SFMBT2: variants seen among roughly 807,000 people sequenced by gnomAD.
SFMBT2 encodes Scm like with four mbt domains 2.
Under a neutral mutation model 110.1 loss-of-function variants are expected in SFMBT2, and 38 were observed. The ratio of observed to expected loss-of-function variants is 0.35; its 90% confidence interval spans 0.27 to 0.45. SFMBT2 has a LOEUF of 0.45. Ranked by LOEUF, SFMBT2 falls within the 20% of genes least tolerant of loss-of-function variation. The pLI, the probability that SFMBT2 is intolerant of heterozygous loss-of-function variation, is 1.00. For missense variants in SFMBT2, 1,011 were observed against 1,094.9 expected (o/e 0.92, Z 1.08); for synonymous variants, 425 against 425.4 (o/e 1.00, Z 0.01).
intron 4 of SFMBT2, among the ~76,000 whole-genome samples, chr10:7,358,231 G>A (rs372794973): frequency 1.5e-5 from 2 of 136,598 alleles, no homozygotes; most frequent in East Asian, 1.9e-4. Flanking sequence ...CACTGCCCTA[G>A]AACACCTGCA....
intron 4 of SFMBT2, among the ~76,000 whole-genome samples, chr10:7,315,146 A>T (rs930894540): frequency 6.6e-6 from 1 of 152,146 alleles, no homozygotes; most frequent in African/African-American, 2.4e-5. Flanking sequence ...CCGGCAGCAC[A>T]AGAGTAAAAC....
chr10:7,378,073 ATGTG>A (rs2132074280), intron 2 of SFMBT2, among the ~76,000 whole-genome samples: 1 of 121,336 alleles, frequency 8.2e-6, no homozygotes, highest in East Asian at 2.8e-4. Context: ...GTGTGTGTGC[ATGTG>A]TATGTGGATG....
chr10:7,243,295 A>G (rs1840493832), intron 9 of SFMBT2, among the ~76,000 whole-genome samples: 1 of 152,206 alleles, frequency 6.6e-6, no homozygotes, highest in Non-Finnish European at 1.5e-5. Flanking sequence ...CTAAGTCTAC[A>G]CAATAGCAGC....
intron 1 of SFMBT2, among the ~76,000 whole-genome samples, chr10:7,390,646 T>G (rs1400259105): frequency 6.6e-6 from 1 of 152,230 alleles, no homozygotes; most frequent in Non-Finnish European, 1.5e-5. Context: ...ATATGGCTAT[T>G]AATAAATCAG....
At position 7,227,862 on chromosome 10, in the gene SFMBT2, A is replaced by C. The variant is rs1442739329; in HGVS notation, c.1196T>G (p.Phe399Cys). The C allele has an allele frequency of 1.2e-6, 2 of 1,608,978 alleles. No homozygotes were observed. The highest frequency in any genetic ancestry group is 8.5e-7 in the Non-Finnish European group (1 of 1,178,458). Residue 399 changes from phenylalanine to cysteine, a missense_variant, in exon 10 of 21, where the codon TTC (phenylalanine) becomes TGC (cysteine). Phe to Cys is a radical substitution (Grantham distance 205). This residue lies in a region of SFMBT2 where 979 missense variants were observed against 1,016.1 expected (regional missense o/e 0.96). Transcript: ENST00000397167. ...AAGAGAGAAGCTTCTTACATTTCGG[A>C]AGCAGAAGGGAGGGGCTTCCTGCGC... ...HGAQEAPPFC[F>C]RNTSFSRGFT...
At chr10:7,308,931 C>T (rs1050523226) in intron 4 of SFMBT2, among the ~76,000 whole-genome samples, 7 of 152,174 alleles carry the variant, frequency 4.6e-5, no homozygotes, top group African/African-American at 1.7e-4. Flanking sequence ...GACACTTACG[C>T]ACTTCCCAGA....
At chr10:7,265,499 C>A (rs1841357302) in intron 7 of SFMBT2, among the ~76,000 whole-genome samples, 1 of 152,158 alleles carries the variant, frequency 6.6e-6, no homozygotes. Flanking sequence ...CCGCGCCTGG[C>A]CCCTGAGATG....
intron 4 of SFMBT2, among the ~76,000 whole-genome samples, chr10:7,318,748 C>T (rs1009605546): frequency 2.0e-5 from 3 of 152,168 alleles, no homozygotes; most frequent in African/African-American, 7.2e-5. Context: ...CTAGGACAGA[C>T]GAATGGTCAA....
At position 7,159,081 on chromosome 10, in the gene SFMBT2, T is replaced by C. The variant is rs1837484552; in HGVS notation, c.*4689A>G. On this transcript the variant is annotated 3_prime_UTR_variant, in exon 21 of 21. Transcript: ENST00000397167. Reference sequence around the variant, plus strand: ...GCCAACGATTGTCCTAGAATTTTCCTTTTTTCGTCAGCACATCGCTTCAGC... The same window carrying C: ...GCCAACGATTGTCCTAGAATTTTCCCTTTTTCGTCAGCACATCGCTTCAGC... The C allele has an allele frequency of 6.6e-6, 1 of 152,200 alleles. No individual in the cohort carries two copies. The highest frequency in any genetic ancestry group is 1.5e-5 in the Non-Finnish European group (1 of 68,036). The allele number at this position is 152,200 out of a possible 1,614,324, so 9.4% of individuals were successfully genotyped here.
chr10:7,387,374 C>T (rs35803579), intron 1 of SFMBT2, among the ~76,000 whole-genome samples: 2,927 of 152,230 alleles, frequency 0.019, 31 homozygotes, highest in Middle Eastern at 0.037. Context: ...CCAGACACCA[C>T]GTTGGGCACT....
intron 1 of SFMBT2, among the ~76,000 whole-genome samples, chr10:7,399,137 C>T (rs893929224): frequency 6.6e-6 from 1 of 152,218 alleles, no homozygotes; most frequent in African/African-American, 2.4e-5. Flanking sequence ...CAGCGGGAAA[C>T]CCTCGCCTGT....
At chr10:7,164,746 AACAC>A (rs58744416) in intron 20 of SFMBT2, among the ~76,000 whole-genome samples, 9,441 of 137,736 alleles carry the variant, frequency 0.069, 356 homozygotes, top group South Asian at 0.11. Flanking sequence ...CATAAAGGGA[AACAC>A]ACACACACAC....
chr10:7,357,323 C>A (rs367693516), intron 4 of SFMBT2, among the ~76,000 whole-genome samples: 1 of 152,064 alleles, frequency 6.6e-6, no homozygotes, highest in African/African-American at 2.4e-5. Context: ...TTGTTGGATG[C>A]GACTAACATT....
chr10:7,276,925 A>C lies in SFMBT2; in HGVS notation c.837T>G (p.Ala279=). Residue 279 remains alanine, a synonymous_variant, in exon 7 of 21, where the codon GCT becomes GCG. Coordinates refer to ENST00000397167, the MANE Select transcript of SFMBT2 (RefSeq NM_001387889.1). ...KCTLEKSLID[A]AKFPLPMEVF... The stretch of plus-strand genomic sequence containing the variant: ...CTTCCATTGGAAGAGGAAATTTGGC[A>C]GCATCAATAAGGGATTTTTCCAGAG... 1 of 872,928 alleles carries C rather than the reference A, an allele frequency of 1.1e-6. No homozygotes were observed. Among genetic ancestry groups the C allele is most frequent in the Non-Finnish European group, 2.0e-6 (1 of 501,612 alleles). 54.1% of individuals were successfully genotyped at this position (872,928 alleles called of 1,614,324 possible).
chr10:7,173,743 C>T (rs1837961991), intron 17 of SFMBT2, among the ~76,000 whole-genome samples: 1 of 152,172 alleles, frequency 6.6e-6, no homozygotes, highest in Non-Finnish European at 1.5e-5. Context: ...TATGTGATGC[C>T]CATGAGCCAC....
At chr10:7,373,255 C>T (rs1192451552) in intron 2 of SFMBT2, among the ~76,000 whole-genome samples, 1 of 152,166 alleles carries the variant, frequency 6.6e-6, no homozygotes, top group Non-Finnish European at 1.5e-5. Flanking sequence ...TCTCTCTGCA[C>T]ACACCTGCTC....
chr10:7,240,226 A>G (rs1840388019), intron 9 of SFMBT2, among the ~76,000 whole-genome samples: 1 of 152,216 alleles, frequency 6.6e-6, no homozygotes, highest in South Asian at 2.1e-4. Context: ...ACAAAAATAT[A>G]AGCAAACACT....
At chr10:7,277,407 C>T (rs1841817309) in intron 6 of SFMBT2, 2 of 244,058 alleles carry the variant, frequency 8.2e-6, no homozygotes, top group Non-Finnish European at 1.3e-5. Flanking sequence ...TCTAGTCTGG[C>T]ATTTGCAGTT....
rs1325176710 is a variant in SFMBT2, at chr10:7,350,188, T to TAGATTTTTTTTTTTTCCA, written c.436+17443_436+17460dup. ...TCCTGCCCAATCGTGTCTTAGTTCCTAGATTTTTTTTTTTTCCATGGGGTC... is the reference window on the plus strand; with the variant it reads ...TCCTGCCCAATCGTGTCTTAGTTCCTAGATTTTTTTTTTTTCCAAGATTTTTTTTTTTTCCATGGGGTC... On this transcript the variant is annotated intron_variant, in intron 4 of 20. Transcript: ENST00000397167. Among the ~76,000 whole-genome samples the TAGATTTTTTTTTTTTCCA allele has an allele frequency of 2.0e-5, 3 of 151,568 alleles. No individual in the cohort carries two copies. The East Asian group carries it at 5.8e-4, about 29-fold the overall frequency.
Sources: gnomAD v4.1 joint callset for allele counts (sites outside exome capture counted in the v4.1 genomes callset) on GRCh38, gnomAD v4.1.1 for gene constraint, gnomAD v4.1.1 regional missense constraint, MANE v1.5 for transcripts, NCBI Gene and HGNC (gene_info 2026-07-23, HGNC 2026-07-21) for gene names.